The following HIF3A variants were observed in gnomAD, a reference collection of about 807,000 sequenced individuals.
HIF3A encodes hypoxia-inducible factor 3-alpha.
A neutral mutation model predicts 67.2 loss-of-function variants in HIF3A; 41 were observed. That is an observed-to-expected ratio of 0.61 (90% CI 0.48 to 0.79). The LOEUF (loss-of-function observed/expected upper bound fraction) is 0.79, where lower values mean the gene tolerates loss of function less well. Ranked by LOEUF, HIF3A falls within the 30% of genes least tolerant of loss-of-function variation. The pLI is 0.00. For missense variants in HIF3A, 855 were observed against 898.0 expected (o/e 0.95, Z 0.61); for synonymous variants, 356 against 374.8 (o/e 0.95, Z 0.58).
intron 14 of HIF3A, among the ~76,000 whole-genome samples, chr19:46,338,861 G>A (rs77749386): frequency 1.3e-3 from 194 of 152,272 alleles, no homozygotes; most frequent in Middle Eastern, 0.01. Flanking sequence ...AGAGCAGAAC[G>A]TGCCCAAGAC....
intron 2 of HIF3A, 184 bp downstream of exon 2, chr19:46,304,272 T>A (rs891468177): frequency 6.7e-6 from 4 of 600,940 alleles, no homozygotes; most frequent in Non-Finnish European, 1.2e-5. Context: ...CCGCCCCCTT[T>A]GAGTTCCTGG....
At chr19:46,338,629 A>C in intron 14 of HIF3A, 1 of 600,970 alleles carries the variant, frequency 1.7e-6, no homozygotes, top group Non-Finnish European at 2.2e-6. Flanking sequence ...AACACCTTCC[A>C]TGGATTTACT....
chr19:46,321,680 A>ACT (rs1970374652), intron 9 of HIF3A, 96 bp from the exon 10 acceptor site: 10 of 1,091,142 alleles, frequency 9.2e-6, no homozygotes, highest in Non-Finnish European at 1.2e-5. Context: ...GACCTGCTGA[A>ACT]GATGTCAACT....
At chr19:46,299,548 C>T (rs1968147088) in intron 1 of HIF3A, among the ~76,000 whole-genome samples, 1 of 151,762 alleles carries the variant, frequency 6.6e-6, no homozygotes, top group African/African-American at 2.4e-5. Flanking sequence ...CTCATCTATA[C>T]TAGAAGTAAG....
chr19:46,342,598 C>T lies in HIF3A; in HGVS notation c.*2976C>T, dbSNP rs1568557923. The T allele has an allele frequency of 6.6e-6, 1 of 152,136 alleles. No individual in the cohort carries two copies. Among genetic ancestry groups the T allele is most frequent in the Non-Finnish European group, 1.5e-5 (1 of 68,028 alleles). 9.4% of individuals were successfully genotyped at this position (152,136 alleles called of 1,614,324 possible). A position where few individuals can be genotyped will look rare whatever the true frequency, so the allele number is the denominator to read the frequency against. On this transcript the variant is annotated 3_prime_UTR_variant, in exon 15 of 15. Coordinates refer to ENST00000377670, the MANE Select transcript of HIF3A (RefSeq NM_152795.4). ...CTCTGCTTCTAAGCCTCACAGCTTC[C>T]AACTGCCTTTGATTTCAGATCCAAA...
At chr19:46,322,010 G>T in intron 10 of HIF3A, 44 bp downstream of exon 10, 1 of 1,588,066 alleles carries the variant, frequency 6.3e-7, no homozygotes, top group Non-Finnish European at 8.6e-7. Flanking sequence ...CCAGTGCTCA[G>T]TCCCTCAGGG....
At position 46,305,315 on chromosome 19, in the gene HIF3A, C is replaced by G; in HGVS notation, c.288C>G (p.Phe96Leu). 1 of 1,614,120 alleles carries G rather than the reference C, an allele frequency of 6.2e-7. No individual in the cohort carries two copies. Among genetic ancestry groups the G allele is most frequent in the South Asian group, 1.1e-5 (1 of 91,082 alleles). Residue 96 changes from phenylalanine (F) to leucine (L), a missense_variant, in exon 3 of 15, where the codon TTC becomes TTG. This residue lies in a region of HIF3A where 638 missense variants were observed against 660.5 expected (regional missense o/e 0.97). Transcript: ENST00000377670. Reference sequence around the variant, plus strand: ...GCTACCTGAAGGCCCTGGAGGGCTTCGTCATGGTGCTCACCGCCGAGGGAG... The same window carrying G: ...GCTACCTGAAGGCCCTGGAGGGCTTGGTCATGGTGCTCACCGCCGAGGGAG... Reference protein sequence around the residue: ...DACYLKALEGFVMVLTAEGDM... With the variant: ...DACYLKALEGLVMVLTAEGDM...
At position 46,320,536 on chromosome 19, in the gene HIF3A, C is replaced by T. The variant is rs751239374; in HGVS notation, c.1119C>T (p.Asp373=). Residue 373 remains aspartate (D), a synonymous_variant, in exon 9 of 15, where the codon GAC becomes GAT. Coordinates refer to ENST00000377670, the MANE Select transcript of HIF3A (RefSeq NM_152795.4). ...AGCGGGGCGCCCCCTCTCAGAAGGACACCCCTAACCCTGGGGACAGCCTTG... is the reference window on the plus strand; with the variant it reads ...AGCGGGGCGCCCCCTCTCAGAAGGATACCCCTAACCCTGGGGACAGCCTTG... ...PIQRGAPSQK[D]TPNPGDSLDT... 55 of 1,613,970 alleles carry T rather than the reference C, an allele frequency of 3.4e-5. No individual in the cohort carries two copies. Among genetic ancestry groups the T allele is most frequent in the Admixed American group, 1.2e-4 (7 of 60,010 alleles).
At chr19:46,299,448 G>A (rs192526183) in intron 1 of HIF3A, among the ~76,000 whole-genome samples, 2 of 152,296 alleles carry the variant, frequency 1.3e-5, no homozygotes, top group Non-Finnish European at 2.9e-5. Flanking sequence ...GGCCGGGTGC[G>A]GTGGCTCAGG....
rs529788703 is a variant in HIF3A, at chr19:46,307,168, C to T, written c.364-1053C>T. 7.2e-5 allele frequency among the ~76,000 whole-genome samples: 11 copies of T among 152,278 alleles called. No individual in the cohort carries two copies. The East Asian group carries it at 7.7e-4, about 11-fold the overall frequency. The stretch of plus-strand genomic sequence containing the variant: ...TGTCTAAAGCAGCCTCCCATCATTG[C>T]GTTACCTTGTACTGCTTTTGTTTTC... On this transcript the variant is annotated intron_variant, in intron 3 of 14. Transcript: ENST00000377670.
chr19:46,311,282 G>A (rs1488989114), intron 6 of HIF3A, among the ~76,000 whole-genome samples: 5 of 152,054 alleles, frequency 3.3e-5, no homozygotes, highest in Non-Finnish European at 7.4e-5. Context: ...CTGTCTTACC[G>A]TTCTGGAGGT....
rs190028047 is a variant in HIF3A at position 46,327,251 on chromosome 19, G to A, written c.1440+1612G>A. 2.0e-4 allele frequency among the ~76,000 whole-genome samples: 30 copies of A among 151,894 alleles called. No individual in the cohort carries two copies. In the East Asian group the frequency reaches 4.8e-3, roughly 25 times the overall value. On this transcript the variant is annotated intron_variant, in intron 11 of 14. Transcript: ENST00000377670. ...AACCTCCCAAAGTGCTGGGATTAGAGGTGTGAGCCACTGTGCCTGGCCCAA... is the reference window on the plus strand; with the variant it reads ...AACCTCCCAAAGTGCTGGGATTAGAAGTGTGAGCCACTGTGCCTGGCCCAA...
intron 8 of HIF3A, among the ~76,000 whole-genome samples, chr19:46,317,509 A>G (rs576700918): frequency 2.0e-4 from 30 of 152,102 alleles, no homozygotes; most frequent in African/African-American, 7.0e-4. Context: ...TCCAAATCTC[A>G]GGGCCTTTGC....
rs1266299089 is a variant in HIF3A, at chr19:46,320,504, C to A, written c.1087C>A (p.Pro363Thr). The change falls in exon 9 of 15, where the codon CCC (proline) becomes ACC (threonine). Residue 363 changes from proline to threonine, a missense_variant. Pro to Thr is a conservative substitution (Grantham distance 38, BLOSUM62 -1). This residue lies in a region of HIF3A where 638 missense variants were observed against 660.5 expected (regional missense o/e 0.97). Coordinates refer to ENST00000377670, the MANE Select transcript of HIF3A (RefSeq NM_152795.4). Reference protein sequence around the residue: ...LEQTEQHSRRPIQRGAPSQKD... With the variant: ...LEQTEQHSRRTIQRGAPSQKD... ...GCAAACGGAGCAACACTCTCGCAGA[C>A]CCATTCAGCGGGGCGCCCCCTCTCA... 1 of 1,614,174 alleles carries A rather than the reference C, an allele frequency of 6.2e-7. No individual in the cohort carries two copies. The highest frequency in any genetic ancestry group is 8.5e-7 in the Non-Finnish European group (1 of 1,180,028).
chr19:46,303,565 C>G, intron 1 of HIF3A: 1 of 1,485,636 alleles, frequency 6.7e-7, no homozygotes, highest in Non-Finnish European at 9.1e-7. Context: ...CCCTCCCTGT[C>G]CCCCAGGCGT....
At chr19:46,306,432 G>A (rs184054725) in intron 3 of HIF3A, 1 of 152,210 alleles carries the variant, frequency 6.6e-6, no homozygotes, top group East Asian at 1.9e-4. Flanking sequence ...GGAAAGATAG[G>A]AACAAGAGAC....
chr19:46,318,612 C>T (rs1312598615), intron 8 of HIF3A, among the ~76,000 whole-genome samples: 3 of 142,036 alleles, frequency 2.1e-5, no homozygotes, highest in Non-Finnish European at 4.6e-5. Context: ...TTTTAAATTT[C>T]ATTTTATTTA....
chr19:46,315,959 G>A (rs1005297370), intron 8 of HIF3A, among the ~76,000 whole-genome samples: 3 of 146,886 alleles, frequency 2.0e-5, no homozygotes, highest in African/African-American at 5.1e-5. Flanking sequence ...GACAGGGTGC[G>A]GTGGCTCATG....
intron 11 of HIF3A, chr19:46,329,005 T>G (rs2147272024): frequency 3.7e-5 from 17 of 464,584 alleles, no homozygotes; most frequent in East Asian, 6.8e-5. Context: ...ATTACAGGTG[T>G]GAGCTACCAT....
Sources: gnomAD v4.1 joint callset for allele counts (sites outside exome capture counted in the v4.1 genomes callset) on GRCh38, gnomAD v4.1.1 for gene constraint, gnomAD v4.1.1 regional missense constraint, MANE v1.5 for transcripts, NCBI Gene and HGNC (gene_info 2026-07-23, HGNC 2026-07-21) for gene names.